The following FOXN3 variants were observed in gnomAD, a reference collection of about 807,000 sequenced individuals.
FOXN3 encodes forkhead box protein N3.
A neutral mutation model predicts 38.4 loss-of-function variants in FOXN3; 7 were observed. That is an observed-to-expected ratio of 0.18 (90% CI 0.10 to 0.34). The LOEUF (loss-of-function observed/expected upper bound fraction) is 0.34, where lower values mean the gene tolerates loss of function less well. Among genes scored for constraint, FOXN3 ranks in the 10% least tolerant of loss-of-function variants. FOXN3 has a pLI of 1.00. For synonymous variants in FOXN3, 230 were observed against 242.2 expected (o/e 0.95, Z 0.47); for missense variants, 456 against 613.4 (o/e 0.74, Z 2.71).
At chr14:89,439,201 A>G (rs1212159379) in intron 1 of FOXN3, among the ~76,000 whole-genome samples, 5 of 152,142 alleles carry the variant, frequency 3.3e-5, no homozygotes, top group African/African-American at 1.2e-4. Context: ...AGCTCTGCCA[A>G]TAGCTCTTTG....
At chr14:89,602,559 C>T (rs957560082) in intron 1 of FOXN3, among the ~76,000 whole-genome samples, 5 of 151,714 alleles carry the variant, frequency 3.3e-5, no homozygotes, top group African/African-American at 1.2e-4. Context: ...TGCAGTGGCG[C>T]GATCTCGGCT....
intron 1 of FOXN3, among the ~76,000 whole-genome samples, chr14:89,497,342 G>C (rs1009087187): frequency 1.1e-4 from 17 of 151,152 alleles, no homozygotes; most frequent in African/African-American, 3.9e-4. Context: ...ACAGACACTT[G>C]CGTTGCTTCC....
chr14:89,329,444 G>A (rs1888172997), intron 3 of FOXN3, among the ~76,000 whole-genome samples: 1 of 152,186 alleles, frequency 6.6e-6, no homozygotes, highest in Non-Finnish European at 1.5e-5. Context: ...AATATCTGCA[G>A]ACGTTTTCCA....
chr14:89,276,329 T>C (rs1369922951), intron 4 of FOXN3, among the ~76,000 whole-genome samples: 2 of 152,096 alleles, frequency 1.3e-5, no homozygotes, highest in Non-Finnish European at 2.9e-5. Flanking sequence ...GGAAATAAAA[T>C]ATGTTAGATA....
At chr14:89,271,063 C>A (rs948754746) in intron 4 of FOXN3, among the ~76,000 whole-genome samples, 3 of 151,850 alleles carry the variant, frequency 2.0e-5, no homozygotes, top group African/African-American at 4.8e-5. Context: ...ACACACACAC[C>A]CACTCCCATG....
rs182649896 is a variant in FOXN3 at position 89,590,643 on chromosome 14, C to T, written c.-15+28385G>A. On this transcript the variant is annotated intron_variant, in intron 1 of 6. Coordinates refer to the FOXN3 transcript ENST00000345097. ...AGTCCCTCTCTGACTTTCTCCTGCTCTCCTGTCTCTCACCCCCTCATTTGC... is the reference window on the plus strand; with the variant it reads ...AGTCCCTCTCTGACTTTCTCCTGCTTTCCTGTCTCTCACCCCCTCATTTGC... 6.7e-4 allele frequency among the ~76,000 whole-genome samples: 102 copies of T among 152,328 alleles called. 2 individuals carry two copies. The East Asian group carries it at 0.016, about 24-fold the overall frequency.
chr14:89,234,650 C>A (rs28691568), intron 4 of FOXN3, among the ~76,000 whole-genome samples: 1 of 150,546 alleles, frequency 6.6e-6, no homozygotes, highest in African/African-American at 2.5e-5. Flanking sequence ...TGCCCCCCTC[C>A]CTCCCCCACT....
At chr14:89,507,053 C>A (rs1362587408) in intron 1 of FOXN3, among the ~76,000 whole-genome samples, 3 of 151,822 alleles carry the variant, frequency 2.0e-5, no homozygotes, top group African/African-American at 7.3e-5. Context: ...TATCTGCTGA[C>A]CTTCCCTCCA....
intron 1 of FOXN3, among the ~76,000 whole-genome samples, chr14:89,493,196 A>T (rs754055844): frequency 1.3e-5 from 2 of 152,234 alleles, no homozygotes; most frequent in Non-Finnish European, 1.5e-5. Flanking sequence ...TGATACACGA[A>T]TAATAAAACT....
chr14:89,550,211 G>A (rs1257639672), intron 1 of FOXN3, among the ~76,000 whole-genome samples: 1 of 152,152 alleles, frequency 6.6e-6, no homozygotes, highest in Non-Finnish European at 1.5e-5. Flanking sequence ...AAACATCCAT[G>A]TTCCGCCACC....
chr14:89,183,372 C>G (rs1887722453), intron 4 of FOXN3, among the ~76,000 whole-genome samples: 1 of 152,136 alleles, frequency 6.6e-6, no homozygotes, highest in Admixed American at 6.5e-5. Flanking sequence ...TTATTACACT[C>G]CCATATACAG....
intron 1 of FOXN3, among the ~76,000 whole-genome samples, chr14:89,496,246 G>A (rs1443844049): frequency 1.3e-5 from 2 of 152,076 alleles, no homozygotes; most frequent in Non-Finnish European, 2.9e-5. Context: ...GTTAACAATA[G>A]TTATAAAAGG....
chr14:89,534,646 G>C (rs867244363), intron 1 of FOXN3, among the ~76,000 whole-genome samples: 2 of 152,124 alleles, frequency 1.3e-5, no homozygotes, highest in Non-Finnish European at 2.9e-5. Flanking sequence ...TGTATATTAA[G>C]ACTCCCCTGG....
At chr14:89,588,130 G>C (rs1895881748) in intron 1 of FOXN3, among the ~76,000 whole-genome samples, 1 of 152,060 alleles carries the variant, frequency 6.6e-6, no homozygotes, top group Non-Finnish European at 1.5e-5. Context: ...CTTCTCGCAA[G>C]ACCTGGTCAT....
At chr14:89,267,231 C>G (rs905175383) in intron 4 of FOXN3, among the ~76,000 whole-genome samples, 19 of 152,170 alleles carry the variant, frequency 1.2e-4, no homozygotes, top group African/African-American at 4.3e-4. Context: ...CAATTTAAAT[C>G]TTACATTTAA....
At chr14:89,573,564 C>G (rs1245875930) in intron 1 of FOXN3, among the ~76,000 whole-genome samples, 2 of 152,084 alleles carry the variant, frequency 1.3e-5, no homozygotes, top group East Asian at 3.8e-4. Flanking sequence ...TTTCCAAATC[C>G]CGTTAAGGAA....
At chr14:89,447,395 G>C (rs553959633) in intron 1 of FOXN3, among the ~76,000 whole-genome samples, 1 of 152,142 alleles carries the variant, frequency 6.6e-6, no homozygotes, top group South Asian at 2.1e-4. Context: ...AAGAAGGTGG[G>C]CGGCGGGAAG....
chr14:89,293,221 C>T (rs931331756), intron 3 of FOXN3, among the ~76,000 whole-genome samples: 5 of 152,226 alleles, frequency 3.3e-5, no homozygotes, highest in Non-Finnish European at 5.9e-5. Context: ...CTCCCACATC[C>T]GCTCAAACCA....
intron 3 of FOXN3, among the ~76,000 whole-genome samples, chr14:89,306,458 C>A (rs891527459): frequency 6.6e-6 from 1 of 152,124 alleles, no homozygotes; most frequent in Non-Finnish European, 1.5e-5. Context: ...AGCTCCGCCT[C>A]CTGGGTTCAC....
Sources: allele counts gnomAD v4.1 joint callset (sites outside exome capture counted in the v4.1 genomes callset), GRCh38; gene constraint gnomAD v4.1.1; transcripts MANE v1.5; gene names NCBI Gene and HGNC (gene_info 2026-07-23, HGNC 2026-07-21).